The following ACTL6A variants were observed in gnomAD, a reference collection of about 807,000 sequenced individuals.
The protein encoded by ACTL6A is actin-like protein 6A.
ACTL6A carries 5 observed loss-of-function variants against 59.2 expected under a neutral mutation model. The observed-to-expected ratio is 0.08, with a 90% CI of 0.04 to 0.18. The LOEUF (loss-of-function observed/expected upper bound fraction) is 0.18. ACTL6A is among the 10% of genes least tolerant of loss of function. The pLI is 1.00. For missense variants in ACTL6A, 285 were observed against 526.9 expected, an observed-to-expected ratio of 0.54 and a Z score of 4.49; for synonymous variants, 154 against 171.8, an observed-to-expected ratio of 0.90 and a Z score of 0.81.
At chr3:179,587,339 G>C (rs762865472) in intron 13 of ACTL6A, among the ~76,000 whole-genome samples, 1 of 152,046 alleles carries the variant, frequency 6.6e-6, no homozygotes, top group Non-Finnish European at 1.5e-5. Context: ...GACAGTTTCT[G>C]TTATTGCCTT....
intron 8 of ACTL6A, among the ~76,000 whole-genome samples, chr3:179,580,356 A>G: frequency 6.6e-6 from 1 of 152,168 alleles, no homozygotes; most frequent in East Asian, 1.9e-4. Context: ...TGGTTTTGTT[A>G]TGCAGAACTG....
At chr3:179,563,296 G>T (rs1717724780) in intron 1 of ACTL6A, 179 bp downstream of exon 1, 2 of 1,058,992 alleles carry the variant, frequency 1.9e-6, no homozygotes, top group Non-Finnish European at 1.3e-6. Context: ...CCGGCTCGCC[G>T]TGCTCCTCGG....
intron 1 of ACTL6A, among the ~76,000 whole-genome samples, chr3:179,563,877 G>A (rs1465115415): frequency 1.3e-5 from 2 of 152,148 alleles, no homozygotes; most frequent in African/African-American, 2.4e-5. Flanking sequence ...ACCAGGTGCC[G>A]GGGGTTACAG....
At chr3:179,585,587 T>C (rs1205277760) in intron 12 of ACTL6A, among the ~76,000 whole-genome samples, 1 of 152,122 alleles carries the variant, frequency 6.6e-6, no homozygotes, top group Non-Finnish European at 1.5e-5. Context: ...CAAAAACCCA[T>C]GTTTACCCTA....
chr3:179,585,437 G>T (rs1361189779), intron 12 of ACTL6A, among the ~76,000 whole-genome samples: 3 of 152,158 alleles, frequency 2.0e-5, no homozygotes, highest in Non-Finnish European at 4.4e-5. Flanking sequence ...GAAAGTCCCT[G>T]AATAATGAAT....
intron 1 of ACTL6A, among the ~76,000 whole-genome samples, chr3:179,568,174 C>CAAA (rs770514808): frequency 1.8e-5 from 1 of 56,412 alleles, no homozygotes; most frequent in Admixed American, 2.0e-4. Context: ...GACTCCGTGT[C>CAAA]AAAAAAAAAA....
chr3:179,570,472 G>A lies in ACTL6A; in HGVS notation c.277+231G>A, dbSNP rs1329121683. 2.5e-6 allele frequency: 1 copy of A among 404,576 alleles called. No homozygotes were observed. The highest frequency in any genetic ancestry group is 4.4e-6 in the Non-Finnish European group (1 of 225,742). 25.1% of individuals were successfully genotyped at this position (404,576 alleles called of 1,614,324 possible). A position where few individuals can be genotyped will look rare whatever the true frequency, so the allele number is the denominator to read the frequency against. ...AAATAGATGTATATATACAAATAAT[G>A]GTACACTGTGGGATAAGTGGTACAA... On this transcript the variant is annotated intron_variant, in intron 3 of 13. Coordinates refer to ENST00000429709, the MANE Select transcript of ACTL6A (RefSeq NM_004301.5). This position sits in a 1 kb window ranked among gnomAD's most constrained non-coding sequence, Gnocchi z 4.3.
chr3:179,587,195 C>G (rs1335526422), intron 13 of ACTL6A, among the ~76,000 whole-genome samples: 4 of 151,704 alleles, frequency 2.6e-5, no homozygotes, highest in Admixed American at 1.3e-4. Context: ...TATATAGTTA[C>G]TTATGTATAT....
chr3:179,567,441 G>T (rs1314700457), intron 1 of ACTL6A, among the ~76,000 whole-genome samples: 1 of 152,146 alleles, frequency 6.6e-6, no homozygotes, highest in Non-Finnish European at 1.5e-5. Context: ...GAGGTACTAG[G>T]GGTTAGGATT....
Position 179,576,858 on chromosome 3 carries a change from A to G in ACTL6A, c.713A>G (p.Lys238Arg). Reference protein sequence around the residue: ...AVREGSPANWKRKEKLPQVTR... With the variant: ...AVREGSPANWRRKEKLPQVTR... ...CGTGAAGGATCTCCAGCAAACTGGA[A>G]AAGAAAAGAGAAGTTGCCTCAGGTT... Residue 238 changes from lysine (K) to arginine (R), a missense_variant, in exon 8 of 14, where the codon AAA becomes AGA. By Grantham distance (26) the Lys-to-Arg change is conservative (BLOSUM62 2). Transcript: ENST00000429709. The G allele has an allele frequency of 6.2e-7, 1 of 1,614,092 alleles. No individual in the cohort carries two copies. The highest frequency in any genetic ancestry group is 2.2e-5 in the East Asian group (1 of 44,870).
chr3:179,576,974 A>T, intron 8 of ACTL6A, 61 bp downstream of exon 8: 1 of 1,389,934 alleles, frequency 7.2e-7, no homozygotes, highest in Non-Finnish European at 1.0e-6. Context: ...GTATTAAAAA[A>T]AGTTATATAT....
Position 179,588,018 on chromosome 3 carries a change from T to C in ACTL6A, c.*8T>C. 6.3e-7 allele frequency: 1 copy of C among 1,587,682 alleles called. No homozygotes were observed. The highest frequency in any genetic ancestry group is 8.5e-7 in the Non-Finnish European group (1 of 1,170,380). Reference sequence around the variant, plus strand: ...GAAAGAAAATGCCCTTGAGAAAGAGTTCCCAAGCTTCTACCTTCCTTTTGT... The same window carrying C: ...GAAAGAAAATGCCCTTGAGAAAGAGCTCCCAAGCTTCTACCTTCCTTTTGT... On this transcript the variant is annotated 3_prime_UTR_variant, in exon 14 of 14. Transcript: ENST00000429709.
chr3:179,578,788 C>CAGGGCCTA, intron 8 of ACTL6A, among the ~76,000 whole-genome samples: 1 of 152,286 alleles, frequency 6.6e-6, no homozygotes, highest in Admixed American at 6.5e-5. Flanking sequence ...TTTTTCAAGA[C>CAGGGCCTA]AGAGTCTTGC....
At position 179,570,362 on chromosome 3, in the gene ACTL6A, TC is replaced by T; in HGVS notation, c.277+123del. 1 of 903,632 alleles carries T rather than the reference TC, an allele frequency of 1.1e-6. No individual in the cohort carries two copies. The highest frequency in any genetic ancestry group is 3.3e-5 in the Admixed American group (1 of 30,740). The allele number at this position is 903,632 out of a possible 1,614,324, so 56.0% of individuals were successfully genotyped here. On this transcript the variant is annotated intron_variant, in intron 3 of 13. Coordinates refer to ENST00000429709, the MANE Select transcript of ACTL6A (RefSeq NM_004301.5). The surrounding 1 kb of genome is among the most constrained non-coding windows in gnomAD (Gnocchi z 4.3). ...TTTTTTGTTTTGTTTTGTTTTTTAT[TC>T]CACAAACTGATTTCCAGACACTGAG...
chr3:179,587,884 A>T, intron 13 of ACTL6A, 46 bp from the exon 14 acceptor site: 1 of 1,525,648 alleles, frequency 6.6e-7, no homozygotes, highest in Non-Finnish European at 8.8e-7. Context: ...AGCCATTTCT[A>T]GTAAGAAGTA....
At chr3:179,574,548 G>A (rs1432607730) in intron 5 of ACTL6A, 81 bp downstream of exon 5, 5 of 967,052 alleles carry the variant, frequency 5.2e-6, no homozygotes, top group Admixed American at 2.0e-5. Context: ...GAAGACATAC[G>A]CCAATTATTG....
chr3:179,568,512 C>T (rs1333895329), intron 1 of ACTL6A, among the ~76,000 whole-genome samples: 1 of 151,256 alleles, frequency 6.6e-6, no homozygotes, highest in African/African-American at 2.4e-5. Flanking sequence ...CATTCCCAGA[C>T]CCCATGCATA....
At chr3:179,568,436 T>C (rs1717903786) in intron 1 of ACTL6A, among the ~76,000 whole-genome samples, 1 of 152,120 alleles carries the variant, frequency 6.6e-6, no homozygotes, top group African/African-American at 2.4e-5. Flanking sequence ...AAAATGTTAT[T>C]GATACAGATT....
rs570711120 is a variant in ACTL6A at position 179,585,434 on chromosome 3, C to T, written c.1123-1112C>T. 2.0e-5 allele frequency among the ~76,000 whole-genome samples: 3 copies of T among 152,204 alleles called. No individual in the cohort carries two copies. The East Asian group carries it at 5.8e-4, about 29-fold the overall frequency. On this transcript the variant is annotated intron_variant, in intron 12 of 13. Coordinates refer to ENST00000429709, the MANE Select transcript of ACTL6A (RefSeq NM_004301.5). ...TAATGATTAGATTTCATAGAAAGTC[C>T]CTGAATAATGAATACAGATAAGCAT...
Sources: gnomAD v4.1 joint callset for allele counts (sites outside exome capture counted in the v4.1 genomes callset) on GRCh38, gnomAD v4.1.1 for gene constraint, Gnocchi (gnomAD v3.1) non-coding constraint, MANE v1.5 for transcripts, NCBI Gene and HGNC (gene_info 2026-07-23, HGNC 2026-07-21) for gene names.